MCCC1: variants seen among roughly 807,000 people sequenced by gnomAD.
MCCC1 encodes methylcrotonoyl-CoA carboxylase subunit alpha, mitochondrial.
Under a neutral mutation model 83.8 loss-of-function variants are expected in MCCC1, and 64 were observed. The observed-to-expected ratio is 0.76, with a 90% confidence interval of 0.62 to 0.94. The LOEUF is 0.94. Among genes scored for constraint, MCCC1 ranks in the 40% least tolerant of loss-of-function variants. The pLI, the probability that MCCC1 is intolerant of heterozygous loss-of-function variation, is 0.00. For missense variants in MCCC1, 807 were observed against 904.7 expected (o/e 0.89, Z 1.39); for synonymous variants, 322 against 315.4 (o/e 1.02, Z -0.22).
intron 4 of MCCC1, among the ~76,000 whole-genome samples, chr3:183,078,629 G>T (rs1717258479): frequency 6.6e-6 from 1 of 152,088 alleles, no homozygotes; most frequent in Admixed American, 6.5e-5. Context: ...CTATTTGATT[G>T]CTATTGTGAA....
rs1165024553 is a variant in MCCC1 at position 183,041,556 on chromosome 3, T to C, written c.1267+11A>G. Reference sequence around the variant, plus strand: ...AAAAAGAGTGAGACTTTTCATTTTCTTTCACTTTACCTTGCCGTACTCCAG... The same window carrying C: ...AAAAAGAGTGAGACTTTTCATTTTCCTTCACTTTACCTTGCCGTACTCCAG... On this transcript the variant is annotated intron_variant, in intron 11 of 18. Coordinates refer to ENST00000265594, the MANE Select transcript of MCCC1 (RefSeq NM_020166.5). 2 of 1,614,016 alleles carry C rather than the reference T, an allele frequency of 1.2e-6. No homozygotes were observed. The highest frequency in any genetic ancestry group is 2.2e-5 in the South Asian group (2 of 91,082).
intron 16 of MCCC1, among the ~76,000 whole-genome samples, chr3:183,021,685 C>G (rs1430414899): frequency 6.6e-6 from 1 of 152,130 alleles, no homozygotes; most frequent in Non-Finnish European, 1.5e-5. Flanking sequence ...CATTATACGG[C>G]CTCTATCATC....
At chr3:183,086,939 G>A (rs1717938493) in intron 3 of MCCC1, 151 bp from the exon 4 acceptor site, 4 of 719,068 alleles carry the variant, frequency 5.6e-6, no homozygotes, top group African/African-American at 1.8e-5. Context: ...AAGTACCAAT[G>A]TATGTCTACA....
Position 183,086,749 on chromosome 3 carries a change from G to A in MCCC1, c.313C>T (p.Gln105Ter), listed in dbSNP as rs1163620394. Residue 105 changes from glutamine (Q) to a stop codon, truncating the protein, a stop_gained, in exon 4 of 19, where the codon CAG becomes TAG. Transcript: ENST00000265594. LOFTEE classifies it high-confidence loss of function. Reference sequence around the variant, plus strand: ...ATTTTCTCCATAGATAGGTAGCTCTGCTGGGAGGGAGCGGGGCCGATGGAA... The same window carrying A: ...ATTTTCTCCATAGATAGGTAGCTCTACTGGGAGGGAGCGGGGCCGATGGAA... ...AYSIGPAPSQQSYLSMEKIIQ... is the reference protein window; with the variant it reads ...AYSIGPAPSQ 3 of 1,614,088 alleles carry A rather than the reference G, an allele frequency of 1.9e-6. No individual in the cohort carries two copies. The East Asian group carries it at 6.7e-5, about 36-fold the overall frequency.
chr3:183,090,126 G>T (rs921662078), intron 3 of MCCC1, among the ~76,000 whole-genome samples: 80 of 152,286 alleles, frequency 5.3e-4, no homozygotes, highest in Middle Eastern at 6.8e-3. Flanking sequence ...GATGGGTAGG[G>T]TCTGGTAGAT....
At position 183,020,231 on chromosome 3, in the gene MCCC1, T is replaced by C; in HGVS notation, c.1876A>G (p.Ser626Gly). The C allele has an allele frequency of 1.2e-6, 2 of 1,612,608 alleles. No homozygotes were observed. The highest frequency in any genetic ancestry group is 1.7e-6 in the Non-Finnish European group (2 of 1,178,646). ...GGGACTGGAATGTCAATCTCAATACTTCCTTCCTAGAAACAGAAAACAAAC... is the reference window on the plus strand; with the variant it reads ...GGGACTGGAATGTCAATCTCAATACCTCCTTCCTAGAAACAGAAAACAAAC... ...NTIYLFSKEG[S>G]IEIDIPVPKY... The change falls in exon 17 of 19, where the codon AGT becomes GGT. Residue 626 changes from serine to glycine, a missense_variant. By Grantham distance (56) the Ser-to-Gly change is moderately conservative. Transcript: ENST00000265594.
upstream of MCCC1, among the ~76,000 whole-genome samples, chr3:183,103,188 A>G (rs1237945010): frequency 6.6e-6 from 1 of 152,044 alleles, no homozygotes; most frequent in Non-Finnish European, 1.5e-5. Context: ...TTGCAGTGTT[A>G]CAGCTCATAA....
chr3:183,044,146 C>A (rs1714338330), intron 10 of MCCC1, among the ~76,000 whole-genome samples: 1 of 152,058 alleles, frequency 6.6e-6, no homozygotes, highest in South Asian at 2.1e-4. Context: ...AAGATTTTGG[C>A]GTCACACCAG....
rs780012867 is a variant in MCCC1 at position 183,020,219 on chromosome 3, C to T, written c.1888G>A (p.Asp630Asn). The stretch of plus-strand genomic sequence containing the variant: ...GATAAGTATTTGGGGACTGGAATGT[C>T]AATCTCAATACTTCCTTCCTAGAAA... Reference protein sequence around the residue: ...LFSKEGSIEIDIPVPKYLSSV... With the variant: ...LFSKEGSIEINIPVPKYLSSV... Residue 630 changes from aspartate (D) to asparagine (N), a missense_variant, in exon 17 of 19, where the codon GAC becomes AAC. Transcript: ENST00000265594. 1.1e-5 allele frequency: 18 copies of T among 1,613,830 alleles called. No homozygotes were observed. The highest frequency in any genetic ancestry group is 1.5e-5 in the Non-Finnish European group (18 of 1,179,766).
intron 4 of MCCC1, among the ~76,000 whole-genome samples, chr3:183,075,586 G>A (rs1480476906): frequency 1.4e-5 from 2 of 143,622 alleles, no homozygotes; most frequent in African/African-American, 2.6e-5. Context: ...TGTCACCCAG[G>A]CTAGAGTGCA....
In MCCC1 at chr3:183,099,474, G is replaced by A. The variant is rs1223640810; in HGVS notation, c.-34C>T. On this transcript the variant is annotated 5_prime_UTR_variant, in exon 1 of 19. Coordinates refer to ENST00000265594, the MANE Select transcript of MCCC1 (RefSeq NM_020166.5). The stretch of plus-strand genomic sequence containing the variant: ...AGCCCGGCCACTCCGTGACTCCCCA[G>A]TACAGAGGCAGCTGCGTCCCACACG... The A allele has an allele frequency of 4.4e-6, 7 of 1,580,510 alleles. No homozygotes were observed. The highest frequency in any genetic ancestry group is 4.0e-5 in the African/African-American group (3 of 74,090).
intron 4 of MCCC1, among the ~76,000 whole-genome samples, chr3:183,081,273 C>G (rs1251341222): frequency 1.3e-5 from 2 of 152,254 alleles, no homozygotes; most frequent in African/African-American, 4.8e-5. Context: ...GCTGCCACTT[C>G]ACCCTGGTGG....
At chr3:183,103,463 G>A (rs1719352341), upstream of MCCC1, among the ~76,000 whole-genome samples, 1 of 152,000 alleles carries the variant, frequency 6.6e-6, no homozygotes, top group Non-Finnish European at 1.5e-5. Flanking sequence ...GAGACGTGGA[G>A]ATTAGCCTAG....
At chr3:183,049,119 T>TA (rs1714764904) in intron 9 of MCCC1, among the ~76,000 whole-genome samples, 1 of 152,164 alleles carries the variant, frequency 6.6e-6, no homozygotes, top group Non-Finnish European at 1.5e-5. Context: ...TTTATAGCAT[T>TA]GAATGTATAT....
chr3:183,114,300 G>A (rs146441279), intron 1 of MCCC1, among the ~76,000 whole-genome samples: 5 of 150,324 alleles, frequency 3.3e-5, no homozygotes, highest in African/African-American at 9.8e-5. Context: ...TAGACCCCCC[G>A]CCCCCCTTCC....
At chr3:183,019,099 T>C (rs1271415420) in intron 17 of MCCC1, among the ~76,000 whole-genome samples, 1 of 152,198 alleles carries the variant, frequency 6.6e-6, no homozygotes, top group African/African-American at 2.4e-5. Flanking sequence ...GGGGTAAATA[T>C]TTCCAAACGA....
intron 1 of MCCC1, among the ~76,000 whole-genome samples, chr3:183,107,978 A>C (rs949922658): frequency 6.6e-6 from 1 of 152,204 alleles, no homozygotes; most frequent in East Asian, 1.9e-4. Context: ...TAAATTCTCA[A>C]AAAGATTATT....
intron 1 of MCCC1, 95 bp downstream of exon 1, chr3:183,099,257 C>T (rs1156297968): frequency 2.8e-6 from 4 of 1,435,740 alleles, no homozygotes; most frequent in East Asian, 2.5e-5. Context: ...CTCCCCACAC[C>T]GACCCTGGGT....
upstream of MCCC1, among the ~76,000 whole-genome samples, chr3:183,101,285 G>A (rs142671034): frequency 1.8e-4 from 27 of 152,376 alleles, no homozygotes; most frequent in East Asian, 3.3e-3. Context: ...GAATGCGAGC[G>A]CACGGCGGCG....
Sources: allele counts gnomAD v4.1 joint callset (sites outside exome capture counted in the v4.1 genomes callset), GRCh38; gene constraint gnomAD v4.1.1; transcripts MANE v1.5; gene names NCBI Gene and HGNC (gene_info 2026-07-23, HGNC 2026-07-21).